Variants in TMUB2 observed in about 807,000 individuals in gnomAD.
TMUB2 encodes transmembrane and ubiquitin-like domain-containing protein 2.
Under a neutral mutation model 20.2 loss-of-function variants are expected in TMUB2, and 19 were observed. The ratio of observed to expected loss-of-function variants is 0.94; its 90% CI spans 0.66 to 1.38. The LOEUF is 1.38. TMUB2 is among the 40% of genes most tolerant of loss of function. The pLI is 0.00. For synonymous variants in TMUB2, 186 were observed against 166.0 expected (o/e 1.12, Z -0.92); for missense variants, 426 against 402.5 (o/e 1.06, Z -0.50).
At chr17:44,187,920 C>G (rs1395295792) in intron 2 of TMUB2, 177 bp downstream of exon 2, 2 of 629,856 alleles carry the variant, frequency 3.2e-6, no homozygotes, top group African/African-American at 3.7e-5. Context: ...ATTCTTTGAG[C>G]AACTACTGGG....
rs767127622 is a variant in TMUB2, at chr17:44,190,518, A to G, written c.620A>G (p.Gln207Arg). 1.9e-6 allele frequency: 3 copies of G among 1,606,080 alleles called. No individual in the cohort carries two copies. Among genetic ancestry groups the G allele is most frequent in the South Asian group, 1.1e-5 (1 of 90,190 alleles). Residue 207 changes from glutamine to arginine, a missense_variant, in exon 4 of 4, where the codon CAA becomes CGA. Transcript: ENST00000538716. ...GALKSKYFPG[Q>R]ESQMKLIYQG... Reference sequence around the variant, plus strand: ...CCTTACAGCAAATACTTCCCTGGACAAGAAAGCCAGATGAAACTGATCTAC... The same window carrying G: ...CCTTACAGCAAATACTTCCCTGGACGAGAAAGCCAGATGAAACTGATCTAC...
At chr17:44,188,091 CAG>C in intron 2 of TMUB2, 1 of 252,490 alleles carries the variant, frequency 4.0e-6, no homozygotes, top group Non-Finnish European at 7.8e-6. Context: ...TGCCCAGGGA[CAG>C]CTGTGAAAGC....
At chr17:44,190,199 A>G (rs2144360970) in intron 3 of TMUB2, 1 of 235,122 alleles carries the variant, frequency 4.3e-6, no homozygotes, top group East Asian at 8.9e-5. Flanking sequence ...AAAAATACAA[A>G]AATTAGCTGG....
intron 2 of TMUB2, 129 bp from the exon 3 acceptor site, chr17:44,188,893 C>T: frequency 1.4e-6 from 2 of 1,401,768 alleles, no homozygotes; most frequent in East Asian, 2.6e-5. Flanking sequence ...AGGTTTGTGC[C>T]CCCTTCTACA....
chr17:44,189,095 A>G lies in TMUB2; in HGVS notation c.109A>G (p.Met37Val). Residue 37 changes from methionine to valine, a missense_variant, in exon 3 of 4, where the codon ATG becomes GTG. By Grantham distance (21) the Met-to-Val change is conservative. Coordinates refer to ENST00000538716, the MANE Select transcript of TMUB2 (RefSeq NM_001076674.3). ...CATTGAGGGTGTGGGTAATGAGGTG[A>G]TGGTGGTGGCAGGTGTGGTGGTGCT... ...TLIEGVGNEV[M>V]VVAGVVVLIL... The G allele has an allele frequency of 6.2e-7, 1 of 1,613,950 alleles. No homozygotes were observed. Among genetic ancestry groups the G allele is most frequent in the Non-Finnish European group, 8.5e-7 (1 of 1,179,972 alleles).
rs1476638093 is a variant in TMUB2 at position 44,188,561 on chromosome 17, A to G, written c.36-461A>G. Among the ~76,000 whole-genome samples, 3 of 152,162 alleles carry G rather than the reference A, an allele frequency of 2.0e-5. No homozygotes were observed. The East Asian group carries it at 5.8e-4, about 29-fold the overall frequency. On this transcript the variant is annotated intron_variant, in intron 2 of 3. Transcript: ENST00000538716. ...GCAGGGATGGCTAAACAGTGCTTCC[A>G]GGGGGGCCCCACAGTAAAATATTCC...
Position 44,187,702 on chromosome 17 carries a change from T to G in TMUB2, c.-7T>G, listed in dbSNP as rs1343216066. On this transcript the variant is annotated 5_prime_UTR_variant, in exon 2 of 4. Transcript: ENST00000538716. ...GTGCCAGGCACTGTGCCAAGTATTT[T>G]GCTTCGATGATTTCACGTCATCTTC... is the stretch of plus-strand genomic sequence containing the variant. 1 of 718,644 alleles carries G rather than the reference T, an allele frequency of 1.4e-6. No homozygotes were observed. Among genetic ancestry groups the G allele is most frequent in the Non-Finnish European group, 2.6e-6 (1 of 385,082 alleles). The allele number at this position is 718,644 out of a possible 1,614,324, so 44.5% of individuals were successfully genotyped here.
Position 44,189,267 on chromosome 17 carries a change from C to T in TMUB2, c.281C>T (p.Pro94Leu), listed in dbSNP as rs1218720730. ...CACCTGGTGGCAGGCCAAGGCAACC[C>T]CGAGCCAACTGAACTCCCCCATCCA... is the stretch of plus-strand genomic sequence containing the variant. ...VDHLVAGQGN[P>L]EPTELPHPSE... Residue 94 changes from proline to leucine, a missense_variant, in exon 3 of 4, where the codon CCC becomes CTC. Pro to Leu is a moderately conservative substitution (Grantham distance 98, BLOSUM62 -3). Coordinates refer to ENST00000538716, the MANE Select transcript of TMUB2 (RefSeq NM_001076674.3). 5 of 1,606,884 alleles carry T rather than the reference C, an allele frequency of 3.1e-6. No homozygotes were observed. Among genetic ancestry groups the T allele is most frequent in the Non-Finnish European group, 3.4e-6 (4 of 1,175,796 alleles).
In TMUB2 at chr17:44,191,661, G is replaced by T; in HGVS notation, c.*797G>T. On this transcript the variant is annotated 3_prime_UTR_variant, in exon 4 of 4. Coordinates refer to ENST00000538716, the MANE Select transcript of TMUB2 (RefSeq NM_001076674.3). Reference sequence around the variant, plus strand: ...ACTGGGTATGGATTGCTGGGCCCTAGGCTCTTGCTTCTGGGGCTATTGGAG... The same window carrying T: ...ACTGGGTATGGATTGCTGGGCCCTATGCTCTTGCTTCTGGGGCTATTGGAG... 1 of 985,808 alleles carries T rather than the reference G, an allele frequency of 1.0e-6. No individual in the cohort carries two copies. Among genetic ancestry groups the T allele is most frequent in the Non-Finnish European group, 1.2e-6 (1 of 829,954 alleles). The allele number at this position is 985,808 out of a possible 1,614,324, so 61.1% of individuals were successfully genotyped here. A position where few individuals can be genotyped will look rare whatever the true frequency, so the allele number is the denominator to read the frequency against.
rs1051725885 is a variant in TMUB2 at position 44,191,295 on chromosome 17, A to G, written c.*431A>G. The G allele has an allele frequency of 2.0e-6, 2 of 995,578 alleles. No individual in the cohort carries two copies. Among genetic ancestry groups the G allele is most frequent in the African/African-American group, 1.7e-5 (1 of 57,360 alleles). The allele number at this position is 995,578 out of a possible 1,614,324, so 61.7% of individuals were successfully genotyped here. On this transcript the variant is annotated 3_prime_UTR_variant, in exon 4 of 4. Transcript: ENST00000538716. The stretch of plus-strand genomic sequence containing the variant: ...CGTAGGGAGCCTGGAGTATCCTTCC[A>G]TTTCTCAGCCAAATACTCATCTTTT...
In TMUB2 at chr17:44,189,057, C is replaced by T. The variant is rs2054930176; in HGVS notation, c.71C>T (p.Ser24Phe). Residue 24 changes from serine (S) to phenylalanine (F), a missense_variant, in exon 3 of 4, where the codon TCT (serine) becomes TTT (phenylalanine). Ser to Phe is a radical substitution (Grantham distance 155). Coordinates refer to ENST00000538716, the MANE Select transcript of TMUB2 (RefSeq NM_001076674.3). ...DPASSQAMEL[S>F]DVTLIEGVGN... The stretch of plus-strand genomic sequence containing the variant: ...GCCAGCAGCCAGGCCATGGAGCTCT[C>T]TGATGTCACCCTCATTGAGGGTGTG... 1.2e-6 allele frequency: 2 copies of T among 1,613,934 alleles called. No individual in the cohort carries two copies. The highest frequency in any genetic ancestry group is 1.7e-6 in the Non-Finnish European group (2 of 1,179,962).
At chr17:44,188,228 G>A (rs554195093) in intron 2 of TMUB2, among the ~76,000 whole-genome samples, 1 of 152,306 alleles carries the variant, frequency 6.6e-6, no homozygotes, top group African/African-American at 2.4e-5. Flanking sequence ...TATGGATTGT[G>A]AGAGCTGTTA....
chr17:44,190,874 A>G lies in TMUB2; in HGVS notation c.*10A>G, dbSNP rs775323719. 6.3e-7 allele frequency: 1 copy of G among 1,591,064 alleles called. No homozygotes were observed. The highest frequency in any genetic ancestry group is 1.1e-5 in the South Asian group (1 of 87,474). The stretch of plus-strand genomic sequence containing the variant: ...GATGTATGGACGATAAGGACATAGG[A>G]AGAAAATGAAAGGCATGGTCTTTCT... On this transcript the variant is annotated 3_prime_UTR_variant, in exon 4 of 4. Transcript: ENST00000538716.
rs1043010860 is a variant in TMUB2 at position 44,191,570 on chromosome 17, C to A, written c.*706C>A. 4 of 986,082 alleles carry A rather than the reference C, an allele frequency of 4.1e-6. No individual in the cohort carries two copies. The South Asian group carries it at 1.9e-4, about 46-fold the overall frequency. The allele number at this position is 986,082 out of a possible 1,614,324, so 61.1% of individuals were successfully genotyped here. ...AGGCCACAGCTGCTGCTCCCGTAGT[C>A]CTCAGGCTGTAAGCAAGAGACAGCA... On this transcript the variant is annotated 3_prime_UTR_variant, in exon 4 of 4. Transcript: ENST00000538716.
At position 44,190,221 on chromosome 17, in the gene TMUB2, C is replaced by T. The variant is rs561248731; in HGVS notation, c.603-280C>T. The T allele has an allele frequency of 1.1e-3, 328 of 293,002 alleles. 1 individual carries two copies. The highest frequency in any genetic ancestry group is 1.8e-3 in the Non-Finnish European group (288 of 158,324). 18.2% of individuals were successfully genotyped at this position (293,002 alleles called of 1,614,324 possible). On this transcript the variant is annotated intron_variant, in intron 3 of 3. Coordinates refer to ENST00000538716, the MANE Select transcript of TMUB2 (RefSeq NM_001076674.3). ...CAAAAATTAGCTGGGCATGGTGGCG[C>T]ACTCCTGTAGTCCCAGCTACTCGGG...
chr17:44,190,630 C>T lies in TMUB2; in HGVS notation c.732C>T (p.Pro244=). The T allele has an allele frequency of 6.2e-7, 1 of 1,614,268 alleles. No homozygotes were observed. Among genetic ancestry groups the T allele is most frequent in the Non-Finnish European group, 8.5e-7 (1 of 1,180,054 alleles). Residue 244 remains proline, a synonymous_variant, in exon 4 of 4, where the codon CCC becomes CCT. Transcript: ENST00000538716. ...GTGTGATTCACTGCCACCGCTCACC[C>T]CCAGGGTCAGCTGTTCCAGGCCCCT... ...DNCVIHCHRS[P]PGSAVPGPSA...
chr17:44,191,015 C>T lies in TMUB2; in HGVS notation c.*151C>T. On this transcript the variant is annotated 3_prime_UTR_variant, in exon 4 of 4. Coordinates refer to ENST00000538716, the MANE Select transcript of TMUB2 (RefSeq NM_001076674.3). ...TAGGACACAGGAGGCAAGTATGCGGCCTCCCCTTCTCATCCACAGGAGTAC... is the reference window on the plus strand; with the variant it reads ...TAGGACACAGGAGGCAAGTATGCGGTCTCCCCTTCTCATCCACAGGAGTAC... 1 of 1,464,582 alleles carries T rather than the reference C, an allele frequency of 6.8e-7. No homozygotes were observed. Among genetic ancestry groups the T allele is most frequent in the East Asian group, 2.4e-5 (1 of 42,398 alleles). 90.7% of individuals were successfully genotyped at this position (1,464,582 alleles called of 1,614,324 possible).
chr17:44,189,677 C>G (rs1298221521), intron 3 of TMUB2, 89 bp downstream of exon 3: 5 of 1,263,918 alleles, frequency 4.0e-6, no homozygotes, highest in Non-Finnish European at 4.3e-6. Context: ...ATGGGAGCTG[C>G]AGCAAAGTGT....
chr17:44,190,401 C>T, intron 3 of TMUB2, 100 bp from the exon 4 acceptor site: 2 of 1,275,474 alleles, frequency 1.6e-6, no homozygotes, highest in South Asian at 1.7e-5. Context: ...AAAAATCCAC[C>T]CTCCAGTTTT....
Sources: gnomAD v4.1 joint callset for allele counts (sites outside exome capture counted in the v4.1 genomes callset) on GRCh38, gnomAD v4.1.1 for gene constraint, MANE v1.5 for transcripts, NCBI Gene and HGNC (gene_info 2026-07-23, HGNC 2026-07-21) for gene names.